The following SYNJ2 variants were observed in gnomAD, a reference collection of about 807,000 sequenced individuals.
SYNJ2 encodes polyphosphatidylinositol phosphatase SYNJ2.
A neutral mutation model predicts 141.3 loss-of-function variants in SYNJ2; 116 were observed. That is an observed-to-expected ratio of 0.82 (90% CI 0.71 to 0.96). SYNJ2 has a LOEUF of 0.96. SYNJ2 is among the 40% of genes least tolerant of loss of function. SYNJ2 has a pLI of 0.00. For missense variants in SYNJ2, 1,873 were observed against 1,934.8 expected (o/e 0.97, Z 0.60); for synonymous variants, 745 against 777.7 (o/e 0.96, Z 0.70).
intron 5 of SYNJ2, among the ~76,000 whole-genome samples, chr6:158,053,578 T>C (rs546741794): frequency 6.6e-6 from 1 of 151,332 alleles, no homozygotes; most frequent in South Asian, 2.1e-4. Flanking sequence ...CATCCACTCA[T>C]TCACCCACCC....
chr6:158,038,532 A>G (rs1285852089), intron 4 of SYNJ2, among the ~76,000 whole-genome samples: 8 of 152,172 alleles, frequency 5.3e-5, no homozygotes, highest in African/African-American at 1.7e-4. Flanking sequence ...ATGAGCCTGG[A>G]GGTGCCTGGG....
intron 2 of SYNJ2, among the ~76,000 whole-genome samples, chr6:158,025,251 A>G (rs1583341527): frequency 6.6e-6 from 1 of 152,300 alleles, no homozygotes. Context: ...CTCCACTGCC[A>G]TAACCCAGTC....
intron 1 of SYNJ2, among the ~76,000 whole-genome samples, chr6:157,990,050 G>T (rs563820156): frequency 6.6e-6 from 1 of 152,316 alleles, no homozygotes; most frequent in East Asian, 1.9e-4. Context: ...TGTGGGCTGC[G>T]CCGTCTGTGC....
intron 7 of SYNJ2, 79 bp downstream of exon 7, chr6:158,059,432 C>G: frequency 6.5e-7 from 1 of 1,532,542 alleles, no homozygotes; most frequent in African/African-American, 1.4e-5. Flanking sequence ...GAGGTGGCTC[C>G]TGCAGGGACT....
intron 2 of SYNJ2, among the ~76,000 whole-genome samples, chr6:158,025,392 C>G (rs1267645556): frequency 6.6e-6 from 1 of 152,176 alleles, no homozygotes; most frequent in Non-Finnish European, 1.5e-5. Flanking sequence ...AAGGGTACAG[C>G]AGGCCAGGTG....
intron 2 of SYNJ2, chr6:158,026,790 A>G (rs1779071716): frequency 2.0e-6 from 2 of 981,578 alleles, no homozygotes; most frequent in African/African-American, 1.7e-5. Context: ...CTCCGAGGGC[A>G]CTTCTGCTGA....
At chr6:158,045,407 G>A (rs1463996658) in intron 5 of SYNJ2, among the ~76,000 whole-genome samples, 6 of 152,104 alleles carry the variant, frequency 3.9e-5, no homozygotes, top group Non-Finnish European at 5.9e-5. Flanking sequence ...ACCGCACCTA[G>A]CCAGGCCAGT....
chr6:158,090,100 A>G (rs558704632), intron 25 of SYNJ2, among the ~76,000 whole-genome samples, 153 bp downstream of exon 25: 1 of 152,364 alleles, frequency 6.6e-6, no homozygotes, highest in South Asian at 2.1e-4. Context: ...ATATAAATCT[A>G]TACTAAGATT....
intron 15 of SYNJ2, 23 bp from the exon 16 acceptor site, chr6:158,074,557 T>C: frequency 1.2e-6 from 2 of 1,606,132 alleles, no homozygotes; most frequent in Non-Finnish European, 8.5e-7. Context: ...GGCTGAATGA[T>C]TATGATTTTC....
At chr6:158,089,639 A>G (rs1238912509) in intron 24 of SYNJ2, among the ~76,000 whole-genome samples, 200 bp from the exon 25 acceptor site, 2 of 152,176 alleles carry the variant, frequency 1.3e-5, no homozygotes, top group Non-Finnish European at 2.9e-5. Flanking sequence ...GACCAGGGTC[A>G]TCAGGTCTAA....
chr6:158,074,326 C>T (rs1782130004), intron 15 of SYNJ2, among the ~76,000 whole-genome samples: 1 of 152,110 alleles, frequency 6.6e-6, no homozygotes, highest in Non-Finnish European at 1.5e-5. Flanking sequence ...TTGCTCTCCT[C>T]CGTTTAGGGT....
At position 158,028,979 on chromosome 6, in the gene SYNJ2, G is replaced by A. The variant is rs765044672; in HGVS notation, c.438G>A (p.Thr146=). ...DGSRFDLTVR[T]QKQGDDSSEW... ...CTCGCTTTGACCTGACTGTCCGCAC[G>A]CAGAAGCAGGGGGATGACAGCTCTG... Residue 146 remains threonine (T), a synonymous_variant, in exon 3 of 27, where the codon ACG becomes ACA. Coordinates refer to ENST00000355585, the MANE Select transcript of SYNJ2 (RefSeq NM_003898.4). The A allele has an allele frequency of 3.1e-5, 50 of 1,613,990 alleles. No homozygotes were observed. Among genetic ancestry groups the A allele is most frequent in the African/African-American group, 6.7e-5 (5 of 74,896 alleles).
chr6:158,028,804 T>G lies in SYNJ2; in HGVS notation c.263T>G (p.Val88Gly), dbSNP rs760330239. Residue 88 changes from valine to glycine, a missense_variant, in exon 3 of 27, where the codon GTG becomes GGG. Physicochemically the swap from Val to Gly is moderately radical, Grantham distance 109. Coordinates refer to ENST00000355585, the MANE Select transcript of SYNJ2 (RefSeq NM_003898.4). The part of the protein sequence containing the change: ...FLVLVTGCTS[V>G]GRIPDAEIYK... ...GTGTTGGTGACAGGCTGCACATCTG[T>G]GGGCAGAATTCCAGATGCTGAAATC... 1 of 1,614,182 alleles carries G rather than the reference T, an allele frequency of 6.2e-7. No homozygotes were observed.
chr6:158,051,775 C>A (rs1279301260), intron 5 of SYNJ2, among the ~76,000 whole-genome samples: 1 of 144,360 alleles, frequency 6.9e-6, no homozygotes, highest in Non-Finnish European at 1.5e-5. Context: ...GGCGAAACCC[C>A]ATCTCTACAA....
chr6:158,061,275 G>A (rs981150840), intron 7 of SYNJ2, among the ~76,000 whole-genome samples: 2 of 152,336 alleles, frequency 1.3e-5, no homozygotes, highest in Middle Eastern at 3.4e-3. Flanking sequence ...CTGGAAGCCG[G>A]GTGGCCTGGG....
rs146860877 is a variant in SYNJ2, at chr6:158,081,121, G to A, written c.2580G>A (p.Ala860=). 79 of 1,613,836 alleles carry A rather than the reference G, an allele frequency of 4.9e-5. No individual in the cohort carries two copies. Among genetic ancestry groups the A allele is most frequent in the African/African-American group, 2.8e-4 (21 of 74,914 alleles). Residue 860 remains alanine, a synonymous_variant, in exon 19 of 27, where the codon GCG becomes GCA. Transcript: ENST00000355585. ...GTTCCTAACGCAGACCTGTGCTGGCGATCGTGGAGGTGGAAGTTCAGGAAG... is the reference window on the plus strand; with the variant it reads ...GTTCCTAACGCAGACCTGTGCTGGCAATCGTGGAGGTGGAAGTTCAGGAAG... ...LQASDHRPVL[A]IVEVEVQEVD...
intron 1 of SYNJ2, among the ~76,000 whole-genome samples, chr6:157,990,919 GC>G (rs1269768580): frequency 6.7e-6 from 1 of 149,888 alleles, no homozygotes; most frequent in Non-Finnish European, 1.5e-5. Flanking sequence ...CTAAGTGGCT[GC>G]TCACGGTGGG....
intron 22 of SYNJ2, 82 bp from the exon 23 acceptor site, chr6:158,086,773 C>A: frequency 1.4e-6 from 2 of 1,465,318 alleles, no homozygotes; most frequent in South Asian, 2.6e-5. Context: ...CTGCCACAGT[C>A]GGCCTCCTGT....
intron 1 of SYNJ2, among the ~76,000 whole-genome samples, chr6:157,996,309 C>G (rs1379197761): frequency 3.3e-5 from 5 of 152,170 alleles, no homozygotes; most frequent in Non-Finnish European, 5.9e-5. Flanking sequence ...CCGAGTCCCC[C>G]GGTCATCGCT....
Sources: gnomAD v4.1 joint callset for allele counts (sites outside exome capture counted in the v4.1 genomes callset) on GRCh38, gnomAD v4.1.1 for gene constraint, MANE v1.5 for transcripts, NCBI Gene and HGNC (gene_info 2026-07-23, HGNC 2026-07-21) for gene names.